LRRC4C: variants seen among roughly 807,000 people sequenced by gnomAD.
The protein encoded by LRRC4C is leucine rich repeat containing 4C.
Under a neutral mutation model 33.6 loss-of-function variants are expected in LRRC4C, and 5 were observed. The ratio of observed to expected loss-of-function variants is 0.15; its 90% CI spans 0.08 to 0.31. The LOEUF (loss-of-function observed/expected upper bound fraction) is 0.31. LRRC4C is among the 10% of genes least tolerant of loss of function. LRRC4C has a pLI of 1.00. For missense variants in LRRC4C, 560 were observed against 796.7 expected (o/e 0.70, Z 3.58); for synonymous variants, 329 against 302.0 (o/e 1.09, Z -0.93).
chr11:40,267,309 T>C (rs967330884), intron 4 of LRRC4C, among the ~76,000 whole-genome samples: 5 of 152,166 alleles, frequency 3.3e-5, no homozygotes, highest in African/African-American at 1.2e-4. Context: ...ATTTCACACA[T>C]TGAAGCTGCT....
rs575578819 is a variant in LRRC4C at position 40,731,900 on chromosome 11, ACTAAATATGTTG to A, written c.-406-83634_-406-83623del. Among the ~76,000 whole-genome samples, 18 of 152,238 alleles carry A rather than the reference ACTAAATATGTTG, an allele frequency of 1.2e-4. No homozygotes were observed. The South Asian group carries it at 2.7e-3, about 23-fold the overall frequency. ...TCTTCTGACAACAATATTTAGCAACACTAAATATGTTGCTAAATATGTTGCTAAATATAAACA... is the reference window on the plus strand; with the variant it reads ...TCTTCTGACAACAATATTTAGCAACACTAAATATGTTGCTAAATATAAACA... On this transcript the variant is annotated intron_variant, in intron 2 of 6. Transcript: ENST00000528697.
intron 1 of LRRC4C, among the ~76,000 whole-genome samples, chr11:41,453,067 C>A (rs1956075087): frequency 6.6e-6 from 1 of 152,026 alleles, no homozygotes; most frequent in Non-Finnish European, 1.5e-5. Context: ...ACAAAAGTAA[C>A]CTTCCCAAAG....
chr11:40,115,714 A>G lies in LRRC4C; in HGVS notation c.579T>C (p.Phe193=), dbSNP rs750533994. 2 of 1,614,200 alleles carry G rather than the reference A, an allele frequency of 1.2e-6. No individual in the cohort carries two copies. Among genetic ancestry groups the G allele is most frequent in the Non-Finnish European group, 1.7e-6 (2 of 1,180,032 alleles). The change falls in exon 7 of 7, where the codon TTT becomes TTC. Residue 193 remains phenylalanine, a synonymous_variant. Coordinates refer to ENST00000528697, the MANE Select transcript of LRRC4C (RefSeq NM_001258419.2). This position sits in a 1 kb window ranked among gnomAD's most constrained non-coding sequence, Gnocchi z 6.7. ...KRLSYISEGA[F]EGLSNLRYLN... Reference sequence around the variant, plus strand: ...AATACCTCAAGTTGGACAGACCTTCAAAGGCACCTTCTGAGATGTATGAAA... The same window carrying G: ...AATACCTCAAGTTGGACAGACCTTCGAAGGCACCTTCTGAGATGTATGAAA...
At chr11:40,892,873 C>T (rs1955782335) in intron 2 of LRRC4C, among the ~76,000 whole-genome samples, 1 of 152,000 alleles carries the variant, frequency 6.6e-6, no homozygotes, top group Non-Finnish European at 1.5e-5. Flanking sequence ...GTGGTTGTTA[C>T]ACAATATTAT....
chr11:41,428,679 G>A (rs558916720), intron 1 of LRRC4C, among the ~76,000 whole-genome samples: 1 of 152,208 alleles, frequency 6.6e-6, no homozygotes, highest in South Asian at 2.1e-4. Context: ...ATTCTTTCCT[G>A]GGAAAGAGTA....
chr11:40,954,494 C>G (rs563952662), intron 1 of LRRC4C, among the ~76,000 whole-genome samples: 2 of 151,942 alleles, frequency 1.3e-5, no homozygotes, highest in Admixed American at 6.6e-5. Flanking sequence ...ATCCAGTGAA[C>G]AACACTCTCT....
intron 5 of LRRC4C, among the ~76,000 whole-genome samples, chr11:40,154,304 C>CAAAAAAAAAAAAAAAAAAAA (rs1858492003): frequency 9.0e-6 from 1 of 110,566 alleles, no homozygotes; most frequent in African/African-American, 3.5e-5. Flanking sequence ...AAAAAAAAAA[C>CAAAAAAAAAAAAAAAAAAAA]AAAAAGCAAA....
chr11:41,022,142 T>TTTTATA (rs1555043562), intron 1 of LRRC4C, among the ~76,000 whole-genome samples: 29 of 139,066 alleles, frequency 2.1e-4, no homozygotes, highest in South Asian at 6.7e-4. Context: ...CAATTTTGTT[T>TTTTATA]TATATATATA....
At chr11:40,496,122 G>T (rs1056432723) in intron 3 of LRRC4C, among the ~76,000 whole-genome samples, 4 of 152,032 alleles carry the variant, frequency 2.6e-5, no homozygotes, top group Non-Finnish European at 5.9e-5. Flanking sequence ...GAGCCACCAC[G>T]CCTGGCCAAA....
intron 5 of LRRC4C, among the ~76,000 whole-genome samples, chr11:40,165,196 G>A (rs1002125915): frequency 1.5e-4 from 23 of 152,088 alleles, no homozygotes; most frequent in African/African-American, 5.1e-4. Context: ...GTCTGCACGT[G>A]TCTCTATTTT....
intron 2 of LRRC4C, among the ~76,000 whole-genome samples, chr11:40,727,311 T>C (rs958534890): frequency 1.3e-5 from 2 of 152,052 alleles, no homozygotes; most frequent in Non-Finnish European, 2.9e-5. Flanking sequence ...AAATAAGCAA[T>C]AGGGGAAGGA....
chr11:41,237,874 T>G (rs1948089830), intron 1 of LRRC4C, among the ~76,000 whole-genome samples: 1 of 152,184 alleles, frequency 6.6e-6, no homozygotes, highest in Non-Finnish European at 1.5e-5. Flanking sequence ...GCTAAAAAGC[T>G]TCCCACAAAT....
intron 3 of LRRC4C, among the ~76,000 whole-genome samples, chr11:40,564,014 T>A (rs1957657323): frequency 6.6e-6 from 1 of 152,084 alleles, no homozygotes; most frequent in Admixed American, 6.6e-5. Context: ...TGAAAATAGA[T>A]TACAACCCAA....
intron 2 of LRRC4C, among the ~76,000 whole-genome samples, chr11:40,812,566 A>G (rs560295824): frequency 6.6e-6 from 1 of 152,300 alleles, no homozygotes; most frequent in South Asian, 2.1e-4. Context: ...TGGAGCATTT[A>G]AGAGATATTA....
At chr11:40,126,728 G>A (rs1448583566) in intron 6 of LRRC4C, among the ~76,000 whole-genome samples, 1 of 151,980 alleles carries the variant, frequency 6.6e-6, no homozygotes. Flanking sequence ...TGGGAGGTCA[G>A]GGTGGGCAAA....
chr11:40,745,033 A>G (rs1453240334), intron 2 of LRRC4C, among the ~76,000 whole-genome samples: 1 of 152,218 alleles, frequency 6.6e-6, no homozygotes, highest in African/African-American at 2.4e-5. Flanking sequence ...AATAATAAAC[A>G]TAAAAGCACT....
intron 2 of LRRC4C, among the ~76,000 whole-genome samples, chr11:40,724,870 A>G (rs1472057714): frequency 1.3e-5 from 2 of 152,158 alleles, no homozygotes; most frequent in African/African-American, 4.8e-5. Flanking sequence ...GAAAAAAAAG[A>G]AGATACAAAT....
intron 1 of LRRC4C, among the ~76,000 whole-genome samples, chr11:41,098,289 A>C (rs963190144): frequency 6.6e-6 from 1 of 152,142 alleles, no homozygotes; most frequent in African/African-American, 2.4e-5. Context: ...ACTGCTTGTA[A>C]TATCTCTGAC....
At chr11:41,435,074 T>A (rs555667380) in intron 1 of LRRC4C, among the ~76,000 whole-genome samples, 2 of 152,106 alleles carry the variant, frequency 1.3e-5, no homozygotes, top group African/African-American at 4.8e-5. Flanking sequence ...AAAGACTGAG[T>A]GAGAATTAAA....
Sources: gnomAD v4.1 joint callset for allele counts (sites outside exome capture counted in the v4.1 genomes callset) on GRCh38, gnomAD v4.1.1 for gene constraint, Gnocchi (gnomAD v3.1) non-coding constraint, MANE v1.5 for transcripts, NCBI Gene and HGNC (gene_info 2026-07-23, HGNC 2026-07-21) for gene names.